Variants in ERC2 observed in about 807,000 individuals in gnomAD.
ERC2 encodes ELKS/RAB6-interacting/CAST family member 2.
ERC2 carries 42 observed loss-of-function variants against 114.8 expected under a neutral mutation model. That is an observed-to-expected ratio of 0.37 (90% CI 0.29 to 0.47). The LOEUF (loss-of-function observed/expected upper bound fraction) is 0.47, where lower values mean the gene tolerates loss of function less well. Among genes scored for constraint, ERC2 ranks in the 20% least tolerant of loss-of-function variants. The probability of loss-of-function intolerance (pLI) is 0.99; values close to 1 mark genes in which losing one functional copy is unlikely to be tolerated. For missense variants in ERC2, 939 were observed against 1,150.7 expected (o/e 0.82, Z 2.66); for synonymous variants, 454 against 425.5 (o/e 1.07, Z -0.82).
chr3:56,082,163 C>T (rs996728621), intron 6 of ERC2, among the ~76,000 whole-genome samples: 1 of 152,082 alleles, frequency 6.6e-6, no homozygotes, highest in Admixed American at 6.5e-5. Flanking sequence ...GAATGTGTTG[C>T]TCAAAATTCA....
intron 2 of ERC2, among the ~76,000 whole-genome samples, chr3:56,404,678 C>T (rs180737196): frequency 5.4e-4 from 82 of 151,556 alleles, no homozygotes; most frequent in Non-Finnish European, 9.6e-4. Context: ...CCATGTATCC[C>T]ATAAACATAT....
chr3:56,441,037 CAGTAGAGG>C (rs1254760257), intron 1 of ERC2, among the ~76,000 whole-genome samples: 8 of 152,292 alleles, frequency 5.3e-5, no homozygotes, highest in African/African-American at 1.9e-4. Flanking sequence ...CCAACAAATG[CAGTAGAGG>C]AGACACTGTT....
chr3:55,518,061 G>C (rs2052655125), intron 17 of ERC2, among the ~76,000 whole-genome samples: 1 of 152,032 alleles, frequency 6.6e-6, no homozygotes, highest in Non-Finnish European at 1.5e-5. Flanking sequence ...ATGTTTAGCA[G>C]CATGCCAAGC....
At chr3:56,064,571 A>T (rs998911791) in intron 7 of ERC2, among the ~76,000 whole-genome samples, 14 of 152,258 alleles carry the variant, frequency 9.2e-5, no homozygotes, top group Non-Finnish European at 1.6e-4. Context: ...CGCAACAGAA[A>T]CTAAGGAAGA....
intron 7 of ERC2, among the ~76,000 whole-genome samples, chr3:56,071,506 C>A (rs1488955103): frequency 1.3e-5 from 2 of 152,186 alleles, no homozygotes; most frequent in Non-Finnish European, 2.9e-5. Context: ...ATCAGCATAA[C>A]CAAAGTTACA....
chr3:56,342,964 G>C (rs1036589001), intron 2 of ERC2, among the ~76,000 whole-genome samples: 1 of 152,046 alleles, frequency 6.6e-6, no homozygotes, highest in South Asian at 2.1e-4. Flanking sequence ...GCCTGTCTCT[G>C]CCTGATCTTC....
chr3:55,810,259 T>C (rs2059663768), intron 14 of ERC2, among the ~76,000 whole-genome samples: 1 of 152,100 alleles, frequency 6.6e-6, no homozygotes, highest in Non-Finnish European at 1.5e-5. Context: ...CAAACTATAA[T>C]GTCATCAACC....
chr3:56,451,572 T>C (rs2062829977), intron 1 of ERC2, among the ~76,000 whole-genome samples: 1 of 152,216 alleles, frequency 6.6e-6, no homozygotes, highest in Non-Finnish European at 1.5e-5. Context: ...TTCAGGGTGC[T>C]GAATGGTATA....
intron 15 of ERC2, among the ~76,000 whole-genome samples, chr3:55,705,655 T>C (rs1046343540): frequency 1.3e-5 from 2 of 152,164 alleles, no homozygotes; most frequent in Non-Finnish European, 2.9e-5. Context: ...AGTCCTTCCC[T>C]GAGCACTGGT....
At chr3:55,850,891 C>A (rs888539207) in intron 14 of ERC2, among the ~76,000 whole-genome samples, 1 of 150,304 alleles carries the variant, frequency 6.7e-6, no homozygotes, top group African/African-American at 2.4e-5. Flanking sequence ...CACACACACA[C>A]GAGAGAACCA....
intron 15 of ERC2, among the ~76,000 whole-genome samples, chr3:55,723,510 G>T (rs191760817): frequency 6.6e-6 from 1 of 152,046 alleles, no homozygotes; most frequent in Admixed American, 6.6e-5. Context: ...ATAAACAAGG[G>T]AGATTCTGGA....
chr3:55,643,955 G>A (rs1481838584), intron 17 of ERC2, among the ~76,000 whole-genome samples: 2 of 152,134 alleles, frequency 1.3e-5, no homozygotes, highest in African/African-American at 4.8e-5. Flanking sequence ...CTCCAGACAT[G>A]GGGATGCTAG....
chr3:55,877,685 G>A (rs1244799715), intron 14 of ERC2, among the ~76,000 whole-genome samples: 1 of 151,498 alleles, frequency 6.6e-6, no homozygotes, highest in East Asian at 1.9e-4. Context: ...CTAACTTTTT[G>A]TATTTTTTGT....
intron 6 of ERC2, among the ~76,000 whole-genome samples, chr3:56,108,740 T>C (rs969961205): frequency 6.6e-6 from 1 of 152,058 alleles, no homozygotes; most frequent in African/African-American, 2.4e-5. Flanking sequence ...GGAAATCAGG[T>C]AAGCATGTCC....
At chr3:55,741,471 A>G (rs2065959233) in intron 14 of ERC2, among the ~76,000 whole-genome samples, 1 of 152,162 alleles carries the variant, frequency 6.6e-6, no homozygotes, top group Non-Finnish European at 1.5e-5. Flanking sequence ...TCCCCAATGA[A>G]AGCATTACCT....
chr3:56,172,229 T>G (rs907256628), intron 4 of ERC2, among the ~76,000 whole-genome samples: 1 of 152,142 alleles, frequency 6.6e-6, no homozygotes, highest in Non-Finnish European at 1.5e-5. Context: ...CCTATTGGCA[T>G]TTGGTCCCTT....
chr3:55,856,510 C>T (rs1229788203), intron 14 of ERC2, among the ~76,000 whole-genome samples: 2 of 152,020 alleles, frequency 1.3e-5, no homozygotes, highest in East Asian at 1.9e-4. Flanking sequence ...AAAAAATAAA[C>T]AAAACATATA....
intron 2 of ERC2, among the ~76,000 whole-genome samples, chr3:56,373,105 A>G (rs1227353483): frequency 6.6e-6 from 1 of 152,262 alleles, no homozygotes; most frequent in Admixed American, 6.5e-5. Context: ...TTAACTTTGC[A>G]TCAGCAATTG....
chr3:56,447,970 T>C (rs1287150259), intron 1 of ERC2, among the ~76,000 whole-genome samples: 1 of 152,188 alleles, frequency 6.6e-6, no homozygotes, highest in Non-Finnish European at 1.5e-5. Context: ...CTCGAACTCC[T>C]GACCTCAAGT....
Sources: allele counts gnomAD v4.1 joint callset (sites outside exome capture counted in the v4.1 genomes callset), GRCh38; gene constraint gnomAD v4.1.1; transcripts MANE v1.5; gene names NCBI Gene and HGNC (gene_info 2026-07-23, HGNC 2026-07-21).